Variants in ADAM22 observed in about 807,000 individuals in gnomAD.
ADAM22 encodes ADAM metallopeptidase domain 22.
ADAM22 carries 65 observed loss-of-function variants against 144.6 expected under a neutral mutation model. That is an observed-to-expected ratio of 0.45 (90% CI 0.37 to 0.55). ADAM22 has a LOEUF of 0.55. Ranked by LOEUF, ADAM22 falls within the 20% of genes least tolerant of loss-of-function variation. ADAM22 has a pLI of 0.00. For missense variants in ADAM22, 974 were observed against 1,184.9 expected, an observed-to-expected ratio of 0.82 and a Z score of 2.61; for synonymous variants, 391 against 412.6, an observed-to-expected ratio of 0.95 and a Z score of 0.63.
At chr7:88,169,487 C>G (rs1843731880) in intron 25 of ADAM22, among the ~76,000 whole-genome samples, 1 of 152,008 alleles carries the variant, frequency 6.6e-6, no homozygotes, top group South Asian at 2.1e-4. Context: ...CCCTTTTCAG[C>G]TAAATAAACT....
At chr7:88,007,193 G>A (rs1330574763) in intron 3 of ADAM22, among the ~76,000 whole-genome samples, 4 of 152,154 alleles carry the variant, frequency 2.6e-5, no homozygotes, top group African/African-American at 9.7e-5. Context: ...ACTTACAAGG[G>A]ATGTGAAGGA....
chr7:88,126,713 C>A (rs1208090905), intron 8 of ADAM22, among the ~76,000 whole-genome samples: 2 of 151,816 alleles, frequency 1.3e-5, no homozygotes, highest in Non-Finnish European at 2.9e-5. Context: ...GTTTTAGCAT[C>A]CCTAATTCAA....
intron 10 of ADAM22, 91 bp downstream of exon 10, chr7:88,130,550 G>C: frequency 7.8e-7 from 1 of 1,289,220 alleles, no homozygotes; most frequent in Non-Finnish European, 1.1e-6. Context: ...TAGTTTTACT[G>C]CTCTATGTTG....
rs767477457 is a variant in ADAM22, at chr7:88,151,044, A to G, written c.1617+13A>G. 95 of 1,611,472 alleles carry G rather than the reference A, an allele frequency of 5.9e-5. No individual in the cohort carries two copies. The highest frequency in any genetic ancestry group is 1.6e-4 in the Middle Eastern group (1 of 6,074). On this transcript the variant is annotated intron_variant, in intron 19 of 31. Transcript: ENST00000413139. ...TGATGGTGTTCAGGTAGGTCACTTCATTTTTACCTATGTTTTTCACATGTA... is the reference window on the plus strand; with the variant it reads ...TGATGGTGTTCAGGTAGGTCACTTCGTTTTTACCTATGTTTTTCACATGTA...
In ADAM22 at chr7:88,033,195, G is replaced by A. The variant is rs201414559; in HGVS notation, c.324-42431G>A. Among the ~76,000 whole-genome samples the A allele has an allele frequency of 8.5e-5, 13 of 152,350 alleles. No individual in the cohort carries two copies. In the East Asian group the frequency reaches 2.3e-3, roughly 27 times the overall value. Reference sequence around the variant, plus strand: ...CTGTCTTTGGGAAGGCTTTCCAGGTGTATGAAGCTTGGGTGTTGTGATATA... The same window carrying A: ...CTGTCTTTGGGAAGGCTTTCCAGGTATATGAAGCTTGGGTGTTGTGATATA... On this transcript the variant is annotated intron_variant, in intron 3 of 31. Transcript: ENST00000413139.
At chr7:87,978,272 A>G (rs1852391333) in intron 2 of ADAM22, 64 bp from the exon 3 acceptor site, 1 of 1,195,046 alleles carries the variant, frequency 8.4e-7, no homozygotes. Context: ...AATCATAAGA[A>G]AGACTAATTG....
At chr7:88,090,852 G>A (rs763765894) in intron 4 of ADAM22, among the ~76,000 whole-genome samples, 37 of 152,228 alleles carry the variant, frequency 2.4e-4, no homozygotes, top group Non-Finnish European at 3.1e-4. Flanking sequence ...ACAGGAAACC[G>A]TGTCCCTTGG....
chr7:88,059,991 C>A (rs760894922), intron 3 of ADAM22, among the ~76,000 whole-genome samples: 2 of 151,984 alleles, frequency 1.3e-5, no homozygotes, highest in East Asian at 3.9e-4. Flanking sequence ...TGCACATGCA[C>A]CCCATGAATC....
At chr7:87,946,424 G>T (rs1309310567) in intron 2 of ADAM22, among the ~76,000 whole-genome samples, 1 of 152,068 alleles carries the variant, frequency 6.6e-6, no homozygotes, top group Non-Finnish European at 1.5e-5. Flanking sequence ...TTGCTTTGAG[G>T]ACTCGGTCAT....
At chr7:88,070,184 A>G (rs1049434455) in intron 3 of ADAM22, among the ~76,000 whole-genome samples, 1 of 152,146 alleles carries the variant, frequency 6.6e-6, no homozygotes, top group African/African-American at 2.4e-5. Flanking sequence ...AGACAAATCC[A>G]CATCCACAGA....
chr7:88,024,235 T>C (rs1798476264), intron 3 of ADAM22, among the ~76,000 whole-genome samples: 2 of 152,188 alleles, frequency 1.3e-5, no homozygotes, highest in African/African-American at 4.8e-5. Context: ...ATATGGTAGC[T>C]CTATTTTTAG....
chr7:88,013,135 A>C (rs1795818605), intron 3 of ADAM22, among the ~76,000 whole-genome samples: 1 of 152,164 alleles, frequency 6.6e-6, no homozygotes, highest in African/African-American at 2.4e-5. Flanking sequence ...CAAAGCATCA[A>C]AGCCATTACC....
chr7:88,066,188 G>A (rs971564813), intron 3 of ADAM22, among the ~76,000 whole-genome samples: 1 of 152,148 alleles, frequency 6.6e-6, no homozygotes, highest in Non-Finnish European at 1.5e-5. Flanking sequence ...GGTTAACAGA[G>A]TAGATCTTAA....
At chr7:88,127,535 T>C (rs753647536) in intron 8 of ADAM22, among the ~76,000 whole-genome samples, 3 of 151,908 alleles carry the variant, frequency 2.0e-5, no homozygotes, top group Non-Finnish European at 4.4e-5. Context: ...TTCTTTGGTT[T>C]CCAACCTCAG....
At chr7:87,970,384 A>G (rs560852519) in intron 2 of ADAM22, among the ~76,000 whole-genome samples, 3 of 152,310 alleles carry the variant, frequency 2.0e-5, no homozygotes, top group South Asian at 4.1e-4. Flanking sequence ...TACATGCATT[A>G]ACTCTTATTT....
In ADAM22 at chr7:88,131,424, T is replaced by C. The variant is rs774875141; in HGVS notation, c.981T>C (p.Val327=). ...RDFIKEKSDA[V]HLFSGSQFES... The stretch of plus-strand genomic sequence containing the variant: ...TTATCAAAGAGAAAAGTGATGCAGT[T>C]CACCTTTTTTCGTACGTAACTTCTG... The change falls in exon 11 of 32, where the codon GTT becomes GTC. Residue 327 remains valine (V), a synonymous_variant. Transcript: ENST00000413139. 2 of 1,613,654 alleles carry C rather than the reference T, an allele frequency of 1.2e-6. No individual in the cohort carries two copies. The highest frequency in any genetic ancestry group is 1.7e-6 in the Non-Finnish European group (2 of 1,179,686).
intron 3 of ADAM22, among the ~76,000 whole-genome samples, chr7:88,041,550 A>G (rs563237019): frequency 6.6e-6 from 1 of 152,058 alleles, no homozygotes; most frequent in East Asian, 1.9e-4. Flanking sequence ...CTCTTTGTAA[A>G]CATTTCCCAC....
chr7:87,936,900 A>T (rs1204582905), intron 2 of ADAM22, among the ~76,000 whole-genome samples: 1 of 151,640 alleles, frequency 6.6e-6, no homozygotes, highest in Non-Finnish European at 1.5e-5. Flanking sequence ...TAGAGTATAT[A>T]TTTAAGTAAG....
intron 14 of ADAM22, among the ~76,000 whole-genome samples, chr7:88,141,713 G>A (rs1311092753): frequency 6.6e-6 from 1 of 151,894 alleles, no homozygotes. Context: ...TCAATACTAT[G>A]ATCATTAATA....
Sources: gnomAD v4.1 joint callset for allele counts (sites outside exome capture counted in the v4.1 genomes callset) on GRCh38, gnomAD v4.1.1 for gene constraint, MANE v1.5 for transcripts, NCBI Gene and HGNC (gene_info 2026-07-23, HGNC 2026-07-21) for gene names.